The following DRC3 variants were observed in gnomAD, a reference collection of about 807,000 sequenced individuals.
The protein encoded by DRC3 is leucine rich repeat containing 48.
A neutral mutation model predicts 57.6 loss-of-function variants in DRC3; 45 were observed. The ratio of observed to expected loss-of-function variants is 0.78; its 90% CI spans 0.62 to 1.00. DRC3 has a LOEUF of 1.00. Among genes scored for constraint, DRC3 ranks in the 50% least tolerant of loss-of-function variants. DRC3 has a pLI of 0.00. For missense variants in DRC3, 655 were observed against 675.2 expected, an observed-to-expected ratio of 0.97 and a Z score of 0.33; for synonymous variants, 257 against 272.3, an observed-to-expected ratio of 0.94 and a Z score of 0.55.
At chr17:18,005,732 G>A (rs2043925325) in intron 10 of DRC3, 1 of 172,898 alleles carries the variant, frequency 5.8e-6, no homozygotes, top group Admixed American at 5.6e-5. Flanking sequence ...TAAGGCCCAA[G>A]GAGGTGAAAT....
At chr17:18,001,372 G>A (rs900035398) in intron 9 of DRC3, among the ~76,000 whole-genome samples, 1 of 152,004 alleles carries the variant, frequency 6.6e-6, no homozygotes, top group African/African-American at 2.4e-5. Flanking sequence ...GGGTGGTGAT[G>A]CATGCCTGTA....
intron 9 of DRC3, among the ~76,000 whole-genome samples, chr17:17,999,782 CAG>C (rs2043614323): frequency 6.6e-6 from 1 of 152,246 alleles, no homozygotes; most frequent in East Asian, 1.9e-4. Context: ...AGGCCTGGAG[CAG>C]AGTCAGCCCA....
intron 5 of DRC3, among the ~76,000 whole-genome samples, chr17:17,990,524 G>GCT (rs1406643223): frequency 6.6e-6 from 1 of 152,176 alleles, no homozygotes; most frequent in Non-Finnish European, 1.5e-5. Flanking sequence ...CCAGGAATGT[G>GCT]CTCTCCTCTG....
chr17:17,976,911 C>T lies in DRC3; in HGVS notation c.-17-671C>T, dbSNP rs183844442. ...TTCTCTGTGCATCTGCCTCCTCCCC[C>T]TCTTGCTCTCTGCTTAACTATGTAC... On this transcript the variant is annotated intron_variant, in intron 2 of 13. Transcript: ENST00000399187. Among the ~76,000 whole-genome samples the T allele has an allele frequency of 5.2e-3, 786 of 151,976 alleles. 4 individuals are homozygous for T. The highest frequency in any genetic ancestry group is 6.6e-3 in the Non-Finnish European group (449 of 67,804).
rs1057126129 is a variant in DRC3, at chr17:18,004,295, A to G, written c.1000-68A>G. ...GTCCAAATTCTTACCCACAAAACCAAATTGCCACCTGCCATTATCTAATTA... is the reference window on the plus strand; with the variant it reads ...GTCCAAATTCTTACCCACAAAACCAGATTGCCACCTGCCATTATCTAATTA... On this transcript the variant is annotated intron_variant, in intron 9 of 13. Transcript: ENST00000399187. 9.0e-5 allele frequency: 138 copies of G among 1,527,652 alleles called. 2 individuals carry two copies. In the Admixed American group the frequency reaches 2.6e-3, roughly 29 times the overall value. 94.6% of individuals were successfully genotyped at this position (1,527,652 alleles called of 1,614,324 possible). A position where few individuals can be genotyped will look rare whatever the true frequency, so the allele number is the denominator to read the frequency against.
intron 12 of DRC3, 132 bp downstream of exon 12, chr17:18,007,279 A>G: frequency 9.1e-7 from 1 of 1,096,726 alleles, no homozygotes; most frequent in Non-Finnish European, 1.3e-6. Flanking sequence ...GGGCACACTA[A>G]CCTGCTTTAC....
At position 18,009,358 on chromosome 17, in the gene DRC3, G is replaced by A. The variant is rs186828924; in HGVS notation, c.1326+2211G>A. On this transcript the variant is annotated intron_variant, in intron 12 of 13. Transcript: ENST00000399187. ...TGGGAAGTCAAGGTGAGCCATGACT[G>A]TGCCACTGCACTCCAGTCTGGGTGA... is the stretch of plus-strand genomic sequence containing the variant. 4.6e-5 allele frequency among the ~76,000 whole-genome samples: 7 copies of A among 152,244 alleles called. No homozygotes were observed. In the East Asian group the frequency reaches 1.4e-3, roughly 29 times the overall value.
rs1458562833 is a variant in DRC3 at position 17,977,760 on chromosome 17, T to C, written c.160+2T>C. The C allele has an allele frequency of 6.3e-7, 1 of 1,596,474 alleles. No homozygotes were observed. The highest frequency in any genetic ancestry group is 1.3e-5 in the African/African-American group (1 of 74,364). Reference sequence around the variant, plus strand: ...TGTCCCTGCAGCTGGACTTTCGGAGTATGTATCCAAGGTTCAGGGGTGGTG... The same window carrying C: ...TGTCCCTGCAGCTGGACTTTCGGAGCATGTATCCAAGGTTCAGGGGTGGTG... On this transcript the variant is annotated splice_donor_variant, in intron 3 of 13. Transcript: ENST00000399187. LOFTEE classifies it high-confidence loss of function.
rs1380417762 is a variant in DRC3 at position 18,016,260 on chromosome 17, C to T, written c.1458+65C>T. The stretch of plus-strand genomic sequence containing the variant: ...TTTTCTAGCTGACATGGAAATCCTC[C>T]CTAGGTAGTGGATAGAATTTTCATT... On this transcript the variant is annotated intron_variant, in intron 13 of 13. Transcript: ENST00000399187. 7 of 1,532,612 alleles carry T rather than the reference C, an allele frequency of 4.6e-6. No individual in the cohort carries two copies. The African/African-American group carries it at 8.2e-5, about 18-fold the overall frequency. The allele number at this position is 1,532,612 out of a possible 1,614,324, so 94.9% of individuals were successfully genotyped here. A position where few individuals can be genotyped will look rare whatever the true frequency, so the allele number is the denominator to read the frequency against.
chr17:17,994,754 C>A (rs2043388459), intron 7 of DRC3, among the ~76,000 whole-genome samples: 1 of 152,180 alleles, frequency 6.6e-6, no homozygotes, highest in Non-Finnish European at 1.5e-5. Flanking sequence ...GTAGCCATGG[C>A]CCTGAATTCA....
At chr17:17,986,911 G>C (rs1354553991) in intron 4 of DRC3, among the ~76,000 whole-genome samples, 1 of 152,140 alleles carries the variant, frequency 6.6e-6, no homozygotes, top group Non-Finnish European at 1.5e-5. Flanking sequence ...AAAACCTGTA[G>C]TGGGGAAAAA....
chr17:17,977,807 C>CT, intron 3 of DRC3, 49 bp downstream of exon 3: 3 of 1,515,390 alleles, frequency 2.0e-6, no homozygotes, highest in Non-Finnish European at 2.7e-6. Flanking sequence ...CCCTCCCTGG[C>CT]TTTCTCTGCT....
Position 18,007,094 on chromosome 17 carries a change from G to C in DRC3, c.1273G>C (p.Glu425Gln). ...CCTGGAGATCTCTATCAGCACCCTGGAGAAGATTGTCGAGGGCGACCTGGA... is the reference window on the plus strand; with the variant it reads ...CCTGGAGATCTCTATCAGCACCCTGCAGAAGATTGTCGAGGGCGACCTGGA... ...KLLEISISTL[E>Q]KIVEGDLDED... Residue 425 changes from glutamate to glutamine, a missense_variant, in exon 12 of 14, where the codon GAG (glutamate) becomes CAG (glutamine). By Grantham distance (29) the Glu-to-Gln change is conservative. Coordinates refer to ENST00000399187, the MANE Select transcript of DRC3 (RefSeq NM_031294.4). 3 of 1,581,184 alleles carry C rather than the reference G, an allele frequency of 1.9e-6. No homozygotes were observed. The highest frequency in any genetic ancestry group is 2.6e-6 in the Non-Finnish European group (3 of 1,161,044).
At chr17:17,997,348 A>T in intron 8 of DRC3, 112 bp from the exon 9 acceptor site, 1 of 958,122 alleles carries the variant, frequency 1.0e-6, no homozygotes, top group Non-Finnish European at 1.5e-6. Flanking sequence ...TTTGAGTCTC[A>T]CACACTGTTG....
chr17:17,977,886 C>A, intron 3 of DRC3, 128 bp downstream of exon 3: 1 of 926,374 alleles, frequency 1.1e-6, no homozygotes, highest in Non-Finnish European at 1.6e-6. Flanking sequence ...TTAGGGCCTA[C>A]CTGGGTTACA....
At chr17:17,978,209 G>A (rs1359600363) in intron 3 of DRC3, among the ~76,000 whole-genome samples, 1 of 152,200 alleles carries the variant, frequency 6.6e-6, no homozygotes, top group African/African-American at 2.4e-5. Context: ...AAGACAGGCT[G>A]GTAGCAGGAG....
Position 17,972,923 on chromosome 17 carries a change from C to G in DRC3, c.-180C>G, listed in dbSNP as rs868136892. On this transcript the variant is annotated 5_prime_UTR_variant, in exon 1 of 14. Coordinates refer to ENST00000399187, the MANE Select transcript of DRC3 (RefSeq NM_031294.4). ...GTCGCGGCGCTTGGTTCCCCAGCAA[C>G]CGGGAGACGCGTCTGCTGCGTGGAA... 4 of 152,862 alleles carry G rather than the reference C, an allele frequency of 2.6e-5. No homozygotes were observed. The highest frequency in any genetic ancestry group is 9.6e-5 in the African/African-American group (4 of 41,466). 9.5% of individuals were successfully genotyped at this position (152,862 alleles called of 1,614,324 possible). A position where few individuals can be genotyped will look rare whatever the true frequency, so the allele number is the denominator to read the frequency against.
At chr17:17,996,170 G>A (rs545255513) in intron 8 of DRC3, among the ~76,000 whole-genome samples, 19 of 152,276 alleles carry the variant, frequency 1.2e-4, no homozygotes, top group Non-Finnish European at 2.1e-4. Context: ...ACAGGCATGC[G>A]CCACCACACC....
intron 9 of DRC3, among the ~76,000 whole-genome samples, chr17:17,998,245 A>G (rs926723749): frequency 1.3e-5 from 2 of 152,152 alleles, no homozygotes; most frequent in African/African-American, 4.8e-5. Context: ...CACAGAAGAA[A>G]GAAAAGTTGA....
Sources: allele counts gnomAD v4.1 joint callset (sites outside exome capture counted in the v4.1 genomes callset), GRCh38; gene constraint gnomAD v4.1.1; transcripts MANE v1.5; gene names NCBI Gene and HGNC (gene_info 2026-07-23, HGNC 2026-07-21).